PCID2: variants seen among roughly 807,000 people sequenced by gnomAD.
PCID2 encodes the protein PCI domain containing 2, also known as PCI domain-containing protein 2.
In PCID2, 41 loss-of-function variants were observed where a neutral mutation model predicts 61.3. The observed-to-expected ratio is 0.67, with a 90% confidence interval of 0.52 to 0.87. The LOEUF is 0.87. Among genes scored for constraint, PCID2 ranks in the 40% least tolerant of loss-of-function variants. PCID2 has a pLI of 0.00. For missense variants in PCID2, 392 were observed against 493.4 expected, an observed-to-expected ratio of 0.79 and a Z score of 1.95; for synonymous variants, 187 against 177.8, an observed-to-expected ratio of 1.05 and a Z score of -0.41.
chr13:113,208,170 C>CAGG, intron 1 of PCID2: 1 of 1,587,446 alleles, frequency 6.3e-7, no homozygotes, highest in South Asian at 1.1e-5. Flanking sequence ...GCTTACTCCT[C>CAGG]CATCGCCTCC....
At chr13:113,190,766 A>G in intron 7 of PCID2, 106 bp downstream of exon 7, 3 of 555,650 alleles carry the variant, frequency 5.4e-6, no homozygotes, top group South Asian at 6.2e-5. Context: ...TAGCATGTGT[A>G]GAAATGAAAT....
At chr13:113,208,304 G>A (rs2139025596) in intron 1 of PCID2, 6 of 1,431,410 alleles carry the variant, frequency 4.2e-6, no homozygotes, top group African/African-American at 1.4e-5. Flanking sequence ...GCGGCCACAC[G>A]TGCCAGCAAG....
At chr13:113,193,365 T>G (rs541918369) in intron 6 of PCID2, among the ~76,000 whole-genome samples, 1 of 152,168 alleles carries the variant, frequency 6.6e-6, no homozygotes, top group Non-Finnish European at 1.5e-5. Context: ...AATATTCCTC[T>G]CTTTTCCATC....
intron 1 of PCID2, among the ~76,000 whole-genome samples, chr13:113,204,001 C>T (rs893886922): frequency 3.3e-5 from 5 of 152,262 alleles, no homozygotes; most frequent in Non-Finnish European, 4.4e-5. Context: ...CCTTGCTCAA[C>T]TAAGGGGCTT....
intron 10 of PCID2, 59 bp downstream of exon 10, chr13:113,181,071 T>C: frequency 8.8e-7 from 1 of 1,133,070 alleles, no homozygotes; most frequent in South Asian, 1.2e-5. Context: ...AAAAAACCTA[T>C]CAGCTGTCAA....
chr13:113,172,195 A>G, the PCID2 span: 1 of 1,529,790 alleles, frequency 6.5e-7, no homozygotes, highest in South Asian at 1.2e-5. Context: ...AAACTTCATC[A>G]CACACTGAGA....
chr13:113,173,114 C>T (rs1419983391), downstream of PCID2, among the ~76,000 whole-genome samples: 2 of 152,126 alleles, frequency 1.3e-5, no homozygotes, highest in African/African-American at 2.4e-5. Flanking sequence ...CCAAATCTGC[C>T]GGCACCCAGA....
At chr13:113,175,198 T>C (rs1055219878), downstream of PCID2, among the ~76,000 whole-genome samples, 1 of 152,194 alleles carries the variant, frequency 6.6e-6, no homozygotes, top group Non-Finnish European at 1.5e-5. Flanking sequence ...CAGTTCTTTA[T>C]AGCAGCGTGA....
At chr13:113,181,264 C>T (rs776387387) in intron 9 of PCID2, 34 bp from the exon 10 acceptor site, 1 of 1,344,022 alleles carries the variant, frequency 7.4e-7, no homozygotes, top group Non-Finnish European at 1.1e-6. Flanking sequence ...CGCATGAGAC[C>T]AACGCACCTG....
At chr13:113,165,823 G>A in the PCID2 span, among the ~76,000 whole-genome samples, 6 of 152,202 alleles carry the variant, frequency 3.9e-5, no homozygotes, top group East Asian at 3.8e-4. Context: ...GAGCCACCAC[G>A]CCTGGCCTCA....
At position 113,178,241 on chromosome 13, in the gene PCID2, A is replaced by C; in HGVS notation, c.1157T>G (p.Val386Gly). ...GGGAGGAAATGGGTTCTGCTTGCTGACCACCAGCTTCTGATGCTGATGCGA... is the reference window on the plus strand; with the variant it reads ...GGGAGGAAATGGGTTCTGCTTGCTGCCCACCAGCTTCTGATGCTGATGCGA... Reference protein sequence around the residue: ...YISHQHQKLVVSKQNPFPPLS... With the variant: ...YISHQHQKLVGSKQNPFPPLS... Residue 386 changes from valine to glycine, a missense_variant, in exon 14 of 14, where the codon GTC becomes GGC. This residue lies in a region of PCID2 where 226 missense variants were observed against 296.5 expected (regional missense o/e 0.76). Coordinates refer to ENST00000337344, the MANE Select transcript of PCID2 (RefSeq NM_001127202.4). 6.2e-7 allele frequency: 1 copy of C among 1,613,802 alleles called. No individual in the cohort carries two copies. The highest frequency in any genetic ancestry group is 8.5e-7 in the Non-Finnish European group (1 of 1,179,808).
At chr13:113,170,309 G>A in the PCID2 span, 9 of 693,626 alleles carry the variant, frequency 1.3e-5, no homozygotes, top group Admixed American at 1.6e-4. Flanking sequence ...CGGGGGGTGG[G>A]GGTGGGGGTG....
chr13:113,179,046 G>A lies in PCID2; in HGVS notation c.1030C>T (p.Leu344=). The A allele has an allele frequency of 5.6e-6, 9 of 1,613,844 alleles. No homozygotes were observed. Among genetic ancestry groups the A allele is most frequent in the Non-Finnish European group, 7.6e-6 (9 of 1,179,822 alleles). ...ACCTGCATGAACTTCAAGGCAACCA[G>A]AAAAGCATCCAGAGACAGCTGGTGT... ...KTHQLSLDAF[L]VALKFMQVED... is the part of the protein sequence containing the mutation. Residue 344 remains leucine (L), a synonymous_variant, in exon 13 of 14, where the codon CTG becomes TTG. Coordinates refer to ENST00000337344, the MANE Select transcript of PCID2 (RefSeq NM_001127202.4). This position sits in a 1 kb window ranked among gnomAD's most constrained non-coding sequence, Gnocchi z 4.3.
At chr13:113,184,245 A>G in intron 9 of PCID2, 101 bp downstream of exon 9, 4 of 1,118,832 alleles carry the variant, frequency 3.6e-6, no homozygotes, top group East Asian at 2.4e-5. Flanking sequence ...ACATTTAAAA[A>G]TAAAATACAG....
rs371416495 is a variant in PCID2 at position 113,179,002 on chromosome 13, G to A, written c.1074C>T (p.Asp358=). Residue 358 remains aspartate, a synonymous_variant, in exon 13 of 14, where the codon GAC becomes GAT. Coordinates refer to ENST00000337344, the MANE Select transcript of PCID2 (RefSeq NM_001127202.4). This position sits in a 1 kb window ranked among gnomAD's most constrained non-coding sequence, Gnocchi z 4.3. ...AGTTAGCCAGAATACACTGAACTTC[G>A]TCAATGTCCACGTCCTCCACCTGCA... ...KFMQVEDVDI[D]EVQCILANLI... 37 of 1,613,394 alleles carry A rather than the reference G, an allele frequency of 2.3e-5. No individual in the cohort carries two copies. The highest frequency in any genetic ancestry group is 1.6e-4 in the Middle Eastern group (1 of 6,082).
chr13:113,190,776 T>A, intron 7 of PCID2, 96 bp downstream of exon 7: 1 of 582,536 alleles, frequency 1.7e-6, no homozygotes, highest in South Asian at 2.8e-5. Context: ...AGAAATGAAA[T>A]ATGTGTCAAC....
At chr13:113,201,799 G>A (rs1173005758) in intron 1 of PCID2, among the ~76,000 whole-genome samples, 2 of 122,906 alleles carry the variant, frequency 1.6e-5, no homozygotes, top group African/African-American at 3.1e-5. Context: ...CTGGGCGACA[G>A]AGCAAGACTC....
chr13:113,200,435 G>C lies in PCID2; in HGVS notation c.118C>G (p.Arg40Gly). Residue 40 changes from arginine (R) to glycine (G), a missense_variant, in exon 2 of 14, where the codon CGA becomes GGA. This residue lies in a region of PCID2 where 155 missense variants were observed against 164.9 expected (regional missense o/e 0.94). Coordinates refer to ENST00000337344, the MANE Select transcript of PCID2 (RefSeq NM_001127202.4). ...ACAGCTCTTTCACCTACTTGAAGTC[G>C]TGGGTTTGCAACATGAGGATGTTTA... ...SFKHPHVANP[R>G]LQMASPEEKC... 2 of 1,603,064 alleles carry C rather than the reference G, an allele frequency of 1.2e-6. No individual in the cohort carries two copies. Among genetic ancestry groups the C allele is most frequent in the Non-Finnish European group, 1.7e-6 (2 of 1,169,890 alleles).
chr13:113,200,639 G>T, intron 1 of PCID2, 123 bp from the exon 2 acceptor site: 1 of 523,868 alleles, frequency 1.9e-6, no homozygotes, highest in Non-Finnish European at 3.5e-6. Context: ...AAAGAAGACA[G>T]AACAATCAAA....
Sources: gnomAD v4.1 joint callset for allele counts (sites outside exome capture counted in the v4.1 genomes callset) on GRCh38, gnomAD v4.1.1 for gene constraint, gnomAD v4.1.1 regional missense constraint, Gnocchi (gnomAD v3.1) non-coding constraint, MANE v1.5 for transcripts, NCBI Gene and HGNC (gene_info 2026-07-23, HGNC 2026-07-21) for gene names.